The following COMT variants were observed in gnomAD, a reference collection of about 807,000 sequenced individuals.
COMT encodes the protein catechol-O-methyltransferase, also known as catechol O-methyltransferase.
A neutral mutation model predicts 18.9 loss-of-function variants in COMT; 13 were observed. That is an observed-to-expected ratio of 0.69 (90% CI 0.45 to 1.09). COMT has a LOEUF of 1.09. Ranked by LOEUF, COMT falls within the 50% of genes least tolerant of loss-of-function variation. COMT has a pLI of 0.00. For synonymous variants in COMT, 150 were observed against 160.9 expected, an observed-to-expected ratio of 0.93 and a Z score of 0.51; for missense variants, 329 against 361.8, an observed-to-expected ratio of 0.91 and a Z score of 0.73.
rs74745580 is a variant in COMT, at chr22:19,962,643, C to T, written c.117C>T (p.Asn39=). ...GGGGCCTGTGCCTTATCGGCTGGAA[C>T]GAGTTCATCCTGCAGCCCATCCACA... The part of the protein sequence containing the change: ...WGWGLCLIGW[N]EFILQPIHNL... The change falls in exon 3 of 6, where the codon AAC becomes AAT. Residue 39 remains asparagine, a synonymous_variant. Coordinates refer to ENST00000361682, the MANE Select transcript of COMT (RefSeq NM_000754.4). 3,735 of 1,604,504 alleles carry T rather than the reference C, an allele frequency of 2.3e-3. 38 individuals are homozygous for T. The highest frequency in any genetic ancestry group is 0.018 in the South Asian group (1,618 of 89,874).
At position 19,968,497 on chromosome 22, in the gene COMT, T is replaced by G. The variant is rs371134244; in HGVS notation, c.616-39T>G. The G allele has an allele frequency of 6.3e-6, 10 of 1,598,086 alleles. No individual in the cohort carries two copies. In the African/African-American group the frequency reaches 1.3e-4, roughly 21 times the overall value. ...GTTTGGGGCAGGTTCTCTGGGCACC[T>G]CTGACCCTCACCTCCCCCACCCCCC... On this transcript the variant is annotated intron_variant, in intron 5 of 5. Coordinates refer to ENST00000361682, the MANE Select transcript of COMT (RefSeq NM_000754.4).
intron 5 of COMT, among the ~76,000 whole-genome samples, chr22:19,965,977 G>T (rs1352489327): frequency 1.3e-5 from 2 of 152,242 alleles, no homozygotes; most frequent in African/African-American, 4.8e-5. Flanking sequence ...CCCACAGCTG[G>T]GCCTGCGTTA....
chr22:19,946,322 AC>A (rs1431209208), intron 1 of COMT, among the ~76,000 whole-genome samples: 4 of 152,010 alleles, frequency 2.6e-5, no homozygotes, highest in African/African-American at 9.7e-5. Flanking sequence ...CCCTGTCTCT[AC>A]CAAAAAATAC....
chr22:19,941,897 G>A lies in COMT; in HGVS notation c.-92G>A, dbSNP rs1325528256. The A allele has an allele frequency of 7.6e-7, 1 of 1,309,866 alleles. No homozygotes were observed. The highest frequency in any genetic ancestry group is 9.9e-7 in the Non-Finnish European group (1 of 1,015,052). 81.1% of individuals were successfully genotyped at this position (1,309,866 alleles called of 1,614,324 possible). Reference sequence around the variant, plus strand: ...GTCCCGGGCGGGCCGTCGCGGGAGAGGTGAGAGCGCTGGCTAGACCGGGGC... The same window carrying A: ...GTCCCGGGCGGGCCGTCGCGGGAGAAGTGAGAGCGCTGGCTAGACCGGGGC... On this transcript the variant is annotated splice_region_variant and 5_prime_UTR_variant, in exon 1 of 6. Coordinates refer to ENST00000361682, the MANE Select transcript of COMT (RefSeq NM_000754.4).
chr22:19,945,399 G>T (rs1205869281), intron 1 of COMT, among the ~76,000 whole-genome samples: 4 of 152,146 alleles, frequency 2.6e-5, no homozygotes, highest in Non-Finnish European at 5.9e-5. Context: ...GATTCTATGT[G>T]CATCATCCTC....
intron 1 of COMT, among the ~76,000 whole-genome samples, chr22:19,960,462 G>C (rs753257855): frequency 6.6e-6 from 1 of 152,200 alleles, no homozygotes; most frequent in Non-Finnish European, 1.5e-5. Flanking sequence ...GGTTCCCCCT[G>C]TCATCTTCCT....
chr22:19,946,321 T>C (rs912734463), intron 1 of COMT, among the ~76,000 whole-genome samples: 4 of 152,028 alleles, frequency 2.6e-5, no homozygotes, highest in African/African-American at 9.7e-5. Flanking sequence ...ACCCTGTCTC[T>C]ACCAAAAAAT....
At chr22:19,964,072 C>T in intron 4 of COMT, 96 bp from the exon 5 acceptor site, 1 of 1,609,224 alleles carries the variant, frequency 6.2e-7, no homozygotes, top group Admixed American at 1.7e-5. Flanking sequence ...GGCCTCCTGT[C>T]TGTGTGGGCG....
chr22:19,947,042 A>G (rs1941849773), intron 1 of COMT, among the ~76,000 whole-genome samples: 1 of 151,058 alleles, frequency 6.6e-6, no homozygotes, highest in Admixed American at 6.6e-5. Flanking sequence ...CAGCCCCCCA[A>G]GTAGCTGGGA....
At chr22:19,945,357 A>G (rs1428047747) in intron 1 of COMT, among the ~76,000 whole-genome samples, 2 of 152,216 alleles carry the variant, frequency 1.3e-5, no homozygotes, top group African/African-American at 4.8e-5. Flanking sequence ...ATGGCTCCAC[A>G]AAGTCAACCT....
chr22:19,954,787 A>G (rs973321097), intron 1 of COMT, among the ~76,000 whole-genome samples: 1 of 152,168 alleles, frequency 6.6e-6, no homozygotes, highest in Non-Finnish European at 1.5e-5. Context: ...ATTTACAGAA[A>G]TAGCAGGTAG....
At chr22:19,942,238 G>C (rs1272260763) in intron 1 of COMT, among the ~76,000 whole-genome samples, 1 of 152,238 alleles carries the variant, frequency 6.6e-6, no homozygotes, top group Non-Finnish European at 1.5e-5. Flanking sequence ...CCTCTCCCTG[G>C]AGTAGGGCTT....
intron 1 of COMT, among the ~76,000 whole-genome samples, chr22:19,958,084 G>C (rs1324353037): frequency 6.6e-6 from 1 of 151,234 alleles, no homozygotes; most frequent in African/African-American, 2.5e-5. Flanking sequence ...TCATATGGTA[G>C]TTCTATTTTA....
chr22:19,945,770 A>C (rs1240680942), intron 1 of COMT, among the ~76,000 whole-genome samples: 4 of 152,036 alleles, frequency 2.6e-5, no homozygotes, highest in Non-Finnish European at 5.9e-5. Context: ...GGTTTACACC[A>C]TTCTCCTGCC....
In COMT at chr22:19,968,725, G is replaced by C; in HGVS notation, c.805G>C (p.Ala269Pro). The C allele has an allele frequency of 6.3e-7, 1 of 1,597,082 alleles. No homozygotes were observed. Among genetic ancestry groups the C allele is most frequent in the African/African-American group, 1.4e-5 (1 of 72,224 alleles). ...CATCTACAAGGGCCCAGGCAGCGAA[G>C]CAGGGCCCTGACTGCCCCCCCGGCC... ...KAIYKGPGSE[A>P]GP is the part of the protein sequence containing the mutation. Residue 269 changes from alanine to proline, a missense_variant, in exon 6 of 6, where the codon GCA becomes CCA. By Grantham distance (27) the Ala-to-Pro change is conservative (BLOSUM62 -1). Coordinates refer to ENST00000361682, the MANE Select transcript of COMT (RefSeq NM_000754.4).
intron 1 of COMT, among the ~76,000 whole-genome samples, chr22:19,958,281 C>T (rs1942109930): frequency 1.3e-5 from 2 of 151,706 alleles, no homozygotes; most frequent in South Asian, 4.2e-4. Flanking sequence ...CCTCCCGCCT[C>T]AGCCTCCCAA....
At chr22:19,964,383 A>G (rs1569134377) in intron 5 of COMT, 84 bp downstream of exon 5, 3 of 1,586,474 alleles carry the variant, frequency 1.9e-6, no homozygotes, top group Non-Finnish European at 2.6e-6. Flanking sequence ...AGAGCCAGGC[A>G]TTCCAGTAGA....
At chr22:19,956,969 GAGACGGAGTCTCACTCTGTTACCC>G (rs1942077787) in intron 1 of COMT, among the ~76,000 whole-genome samples, 1 of 111,232 alleles carries the variant, frequency 9.0e-6, no homozygotes, top group Admixed American at 9.1e-5. Flanking sequence ...TTTTTTTTTT[GAGACGGAGTCTCACTCTGTTACCC>G]AGGCTGGAGT....
intron 5 of COMT, chr22:19,967,219 A>C (rs1359830402): frequency 7.7e-7 from 1 of 1,304,392 alleles, no homozygotes; most frequent in Non-Finnish European, 1.0e-6. Context: ...CCTGATGACC[A>C]GATTGGGCTC....
Sources: gnomAD v4.1 joint callset for allele counts (sites outside exome capture counted in the v4.1 genomes callset) on GRCh38, gnomAD v4.1.1 for gene constraint, MANE v1.5 for transcripts, NCBI Gene and HGNC (gene_info 2026-07-23, HGNC 2026-07-21) for gene names.